CACNG2: variants seen among roughly 807,000 people sequenced by gnomAD.
The protein encoded by CACNG2 is calcium voltage-gated channel auxiliary subunit gamma 2.
CACNG2 carries 3 observed loss-of-function variants against 25.9 expected under a neutral mutation model. The observed-to-expected ratio is 0.12, with a 90% CI of 0.05 to 0.30. The LOEUF (loss-of-function observed/expected upper bound fraction) is 0.30. CACNG2 is among the 10% of genes least tolerant of loss of function. The probability of loss-of-function intolerance (pLI) is 1.00; values close to 1 mark genes in which losing one functional copy is unlikely to be tolerated. For synonymous variants in CACNG2, 167 were observed against 173.3 expected (o/e 0.96, Z 0.29); for missense variants, 341 against 432.5 (o/e 0.79, Z 1.88).
intron 1 of CACNG2, among the ~76,000 whole-genome samples, chr22:36,664,260 A>G (rs996122831): frequency 1.3e-5 from 2 of 152,252 alleles, no homozygotes; most frequent in Admixed American, 6.5e-5. Context: ...GCACAGAATG[A>G]GAAATGGAGA....
At chr22:36,620,388 C>T (rs929008) in intron 1 of CACNG2, among the ~76,000 whole-genome samples, 2,243 of 152,322 alleles carry the variant, frequency 0.015, 21 homozygotes, top group Non-Finnish European at 0.023. Context: ...GTGATGTTTG[C>T]TGTGTAGAGA....
rs1936282681 is a variant in CACNG2, at chr22:36,632,187, A to ATTT, written c.212-44640_212-44639insAAA. 2.1e-4 allele frequency among the ~76,000 whole-genome samples: 32 copies of ATTT among 149,872 alleles called. No individual in the cohort carries two copies. In the South Asian group the frequency reaches 6.1e-3, roughly 29 times the overall value. On this transcript the variant is annotated intron_variant, in intron 1 of 3. Coordinates refer to ENST00000300105, the MANE Select transcript of CACNG2 (RefSeq NM_006078.5). Reference sequence around the variant, plus strand: ...ACCTATTTTCTGACTTTTTTTTTTAAAAAAATGAGAATCCATTTTATGTCG... The same window carrying ATTT: ...ACCTATTTTCTGACTTTTTTTTTTAATTTAAAAATGAGAATCCATTTTATGTCG...
chr22:36,611,745 G>GC (rs1935944763), intron 1 of CACNG2, among the ~76,000 whole-genome samples: 1 of 152,260 alleles, frequency 6.6e-6, no homozygotes, highest in African/African-American at 2.4e-5. Context: ...TAGCACTGTG[G>GC]CCGGCGTCTG....
At chr22:36,695,980 T>C (rs555780369) in intron 1 of CACNG2, among the ~76,000 whole-genome samples, 7 of 152,354 alleles carry the variant, frequency 4.6e-5, no homozygotes, top group Admixed American at 3.3e-4. Context: ...ACAATGCCTA[T>C]TGCGTTTGAA....
At chr22:36,625,854 A>G (rs1676133845) in intron 1 of CACNG2, among the ~76,000 whole-genome samples, 1 of 152,238 alleles carries the variant, frequency 6.6e-6, no homozygotes, top group Non-Finnish European at 1.5e-5. Context: ...TGGGAATTTA[A>G]AGGCACAGGC....
At chr22:36,698,971 G>T (rs553034411) in intron 1 of CACNG2, among the ~76,000 whole-genome samples, 51 of 152,252 alleles carry the variant, frequency 3.3e-4, no homozygotes, top group African/African-American at 1.2e-3. Flanking sequence ...GACAACAGAG[G>T]CTAATATCCT....
Position 36,564,951 on chromosome 22 carries a change from G to A in CACNG2, c.437-65C>T. On this transcript the variant is annotated intron_variant, in intron 3 of 3. Transcript: ENST00000300105. The surrounding 1 kb of genome is among the most constrained non-coding windows in gnomAD (Gnocchi z 6.7). ...AGGACGTTAGTTTCTCAGGAAGTCG[G>A]CCACAGGGCAGCCGTAAAGGACGGG... The A allele has an allele frequency of 6.8e-7, 1 of 1,473,022 alleles. No individual in the cohort carries two copies. Among genetic ancestry groups the A allele is most frequent in the Non-Finnish European group, 9.4e-7 (1 of 1,065,858 alleles). 91.2% of individuals were successfully genotyped at this position (1,473,022 alleles called of 1,614,324 possible).
chr22:36,620,392 G>A (rs1287172427), intron 1 of CACNG2, among the ~76,000 whole-genome samples: 1 of 152,240 alleles, frequency 6.6e-6, no homozygotes, highest in Non-Finnish European at 1.5e-5. Flanking sequence ...TGTTTGCTGT[G>A]TAGAGAGAAA....
At chr22:36,676,234 C>T (rs773393291) in intron 1 of CACNG2, among the ~76,000 whole-genome samples, 1 of 152,204 alleles carries the variant, frequency 6.6e-6, no homozygotes, top group Admixed American at 6.5e-5. Context: ...TGACCACACA[C>T]GTGTACTTTG....
chr22:36,669,121 C>T (rs1024870196), intron 1 of CACNG2, among the ~76,000 whole-genome samples: 3 of 152,122 alleles, frequency 2.0e-5, no homozygotes, highest in East Asian at 1.9e-4. Context: ...AACCATCACA[C>T]CACCCACCCT....
At chr22:36,698,174 C>G (rs1049603682) in intron 1 of CACNG2, among the ~76,000 whole-genome samples, 1 of 152,176 alleles carries the variant, frequency 6.6e-6, no homozygotes, top group African/African-American at 2.4e-5. Flanking sequence ...TCTTCGCCCT[C>G]TCTCCCCACT....
intron 1 of CACNG2, among the ~76,000 whole-genome samples, chr22:36,638,256 C>G (rs1035593426): frequency 6.6e-6 from 1 of 152,186 alleles, no homozygotes. Flanking sequence ...TCTCTGCTCG[C>G]ATTGCCCACA....
chr22:36,680,601 T>C (rs1291299770), intron 1 of CACNG2, among the ~76,000 whole-genome samples: 5 of 96,622 alleles, frequency 5.2e-5, no homozygotes, highest in South Asian at 7.2e-4. Context: ...ACCTGCATCA[T>C]GGCTATAATT....
intron 1 of CACNG2, among the ~76,000 whole-genome samples, chr22:36,655,838 G>A (rs1203539413): frequency 3.0e-4 from 39 of 129,236 alleles, no homozygotes; most frequent in African/African-American, 1.1e-3. Context: ...ACAGAGTTTC[G>A]CTCTTGTTGC....
In CACNG2 at chr22:36,702,845, TAAAAAGAAAA is replaced by T. The variant is rs1937428191; in HGVS notation, c.-279_-270del. 1 of 251,990 alleles carries T rather than the reference TAAAAAGAAAA, an allele frequency of 4.0e-6. No individual in the cohort carries two copies. The allele number at this position is 251,990 out of a possible 1,614,324, so 15.6% of individuals were successfully genotyped here. ...TGTTCCAGTTGCAGTGTTTTTTTTTTAAAAAGAAAAGGAAAAAAAAAATAAAAAGACACCC... is the reference window on the plus strand; with the variant it reads ...TGTTCCAGTTGCAGTGTTTTTTTTTTGGAAAAAAAAAATAAAAAGACACCC... On this transcript the variant is annotated 5_prime_UTR_variant, in exon 1 of 4. Transcript: ENST00000300105.
At chr22:36,568,752 C>T (rs1935173458) in intron 2 of CACNG2, among the ~76,000 whole-genome samples, 1 of 152,070 alleles carries the variant, frequency 6.6e-6, no homozygotes, top group African/African-American at 2.4e-5. Flanking sequence ...CTGTCCTCAC[C>T]ATGGATCTGC....
chr22:36,699,857 G>A (rs1036809883), intron 1 of CACNG2, among the ~76,000 whole-genome samples: 1 of 152,202 alleles, frequency 6.6e-6, no homozygotes, highest in Non-Finnish European at 1.5e-5. Flanking sequence ...GATCAGTGCA[G>A]TCTTTGAAAA....
intron 1 of CACNG2, 60 bp from the exon 2 acceptor site, chr22:36,587,608 CCACCTGCCTCTT>C: frequency 8.7e-7 from 1 of 1,151,878 alleles, no homozygotes; most frequent in Non-Finnish European, 1.3e-6. Context: ...CGCTTAGGGC[CCACCTGCCTCTT>C]CCCAACTTCT....
chr22:36,612,788 T>C (rs946656959), intron 1 of CACNG2, among the ~76,000 whole-genome samples: 43 of 152,244 alleles, frequency 2.8e-4, no homozygotes, highest in African/African-American at 1.0e-3. Flanking sequence ...TGATATGTTT[T>C]AGCTCAATGA....
Sources: gnomAD v4.1 joint callset for allele counts (sites outside exome capture counted in the v4.1 genomes callset) on GRCh38, gnomAD v4.1.1 for gene constraint, Gnocchi (gnomAD v3.1) non-coding constraint, MANE v1.5 for transcripts, NCBI Gene and HGNC (gene_info 2026-07-23, HGNC 2026-07-21) for gene names.